SLC36A1: variants seen among roughly 807,000 people sequenced by gnomAD.
SLC36A1 encodes solute carrier family 36 member 1, also known as proton-coupled amino acid transporter 1.
A neutral mutation model predicts 47.5 loss-of-function variants in SLC36A1; 30 were observed. The ratio of observed to expected loss-of-function variants is 0.63; its 90% confidence interval spans 0.47 to 0.86. The LOEUF (loss-of-function observed/expected upper bound fraction) is 0.86. SLC36A1 is among the 40% of genes least tolerant of loss of function. The pLI, the probability that SLC36A1 is intolerant of heterozygous loss-of-function variation, is 0.00. For missense variants in SLC36A1, 517 were observed against 606.0 expected (o/e 0.85, Z 1.54); for synonymous variants, 255 against 249.7 (o/e 1.02, Z -0.20).
chr5:151,535,787 C>A, the SLC36A1 span, among the ~76,000 whole-genome samples: 7 of 152,220 alleles, frequency 4.6e-5, no homozygotes, highest in African/African-American at 1.7e-4. Flanking sequence ...GGATCTGACA[C>A]TATCTCCAGG....
intron 2 of SLC36A1, among the ~76,000 whole-genome samples, chr5:151,462,157 A>G (rs1030502132): frequency 3.3e-5 from 5 of 152,208 alleles, no homozygotes; most frequent in Non-Finnish European, 7.3e-5. Context: ...ACCAACTTGT[A>G]TCCAGTACCA....
At chr5:151,360,215 T>G in the SLC36A1 span, among the ~76,000 whole-genome samples, 5 of 152,202 alleles carry the variant, frequency 3.3e-5, no homozygotes, top group Non-Finnish European at 5.9e-5. Flanking sequence ...TGAAAATCCA[T>G]GTATAGCTTT....
chr5:151,347,324 G>T, the SLC36A1 span: 1 of 1,614,212 alleles, frequency 6.2e-7, no homozygotes, highest in Non-Finnish European at 8.5e-7. Flanking sequence ...CTTCAAGCCT[G>T]CTGACTCTGA....
chr5:151,495,255 C>T (rs165329), downstream of SLC36A1, among the ~76,000 whole-genome samples: 22,253 of 152,178 alleles, frequency 0.15, 1,995 homozygotes, highest in Non-Finnish European at 0.21. Flanking sequence ...CACCTCTTTA[C>T]GTGCTTATTG....
rs141230632 is a variant in SLC36A1, at chr5:151,485,820, G to A, written c.1160-2163G>A. Among the ~76,000 whole-genome samples the A allele has an allele frequency of 3.7e-3, 567 of 152,340 alleles. 2 individuals are homozygous for A. Among genetic ancestry groups the A allele is most frequent in the South Asian group, 0.013 (64 of 4,826 alleles). On this transcript the variant is annotated intron_variant, in intron 10 of 10. Coordinates refer to ENST00000243389, the MANE Select transcript of SLC36A1 (RefSeq NM_078483.4). ...AAATGAATGGAAATGTCCCATGTGT[G>A]TGCTGTCCATTGCAGCAGCCACTAG...
chr5:151,359,479 C>T, the SLC36A1 span, among the ~76,000 whole-genome samples: 1 of 152,150 alleles, frequency 6.6e-6, no homozygotes, highest in Admixed American at 6.5e-5. Context: ...GGGGACATTC[C>T]ATTATTTAAA....
the SLC36A1 span, among the ~76,000 whole-genome samples, chr5:151,420,713 T>G: frequency 1.3e-5 from 2 of 152,172 alleles, no homozygotes; most frequent in Non-Finnish European, 2.9e-5. Context: ...TCCCTATACG[T>G]ATCCTCCCCT....
At chr5:151,416,585 A>G in the SLC36A1 span, among the ~76,000 whole-genome samples, 1 of 152,160 alleles carries the variant, frequency 6.6e-6, no homozygotes, top group Non-Finnish European at 1.5e-5. Flanking sequence ...GTTGCCACCT[A>G]ATAACTAAAG....
At chr5:151,395,657 T>C in the SLC36A1 span, among the ~76,000 whole-genome samples, 2 of 152,212 alleles carry the variant, frequency 1.3e-5, no homozygotes, top group South Asian at 4.1e-4. Flanking sequence ...AAGCTAGGGA[T>C]TGTGGCCAAA....
chr5:151,458,659 C>T (rs1016102097), intron 1 of SLC36A1, 129 bp from the exon 2 acceptor site: 3 of 1,020,506 alleles, frequency 2.9e-6, no homozygotes, highest in South Asian at 1.7e-5. Flanking sequence ...CACTTTCATA[C>T]TTAATCCATA....
the SLC36A1 span, chr5:151,544,064 C>T: frequency 6.2e-7 from 1 of 1,614,214 alleles, no homozygotes; most frequent in Non-Finnish European, 8.5e-7. Context: ...GGGGGATCTC[C>T]TTTATCCATG....
chr5:151,369,714 T>C, the SLC36A1 span, among the ~76,000 whole-genome samples: 2 of 152,240 alleles, frequency 1.3e-5, no homozygotes, highest in Non-Finnish European at 2.9e-5. Context: ...ACTCCTGGCC[T>C]CAAGCCATCC....
the SLC36A1 span, among the ~76,000 whole-genome samples, chr5:151,371,864 C>A: frequency 2.6e-5 from 4 of 152,132 alleles, no homozygotes; most frequent in Non-Finnish European, 4.4e-5. Flanking sequence ...AGGTTTGGGG[C>A]TATCTCACTC....
intron 10 of SLC36A1, among the ~76,000 whole-genome samples, chr5:151,484,729 A>T (rs1581220448): frequency 6.6e-6 from 1 of 152,244 alleles, no homozygotes; most frequent in South Asian, 2.1e-4. Flanking sequence ...TGAGTTCTTT[A>T]CATGAGTGAT....
At chr5:151,543,861 A>G in the SLC36A1 span, 1 of 1,614,172 alleles carries the variant, frequency 6.2e-7, no homozygotes. Context: ...GCCTGTCCTG[A>G]TTGCCAGAAA....
chr5:151,388,863 A>G, the SLC36A1 span, among the ~76,000 whole-genome samples: 148,546 of 152,206 alleles, frequency 0.98, 72,508 homozygotes, highest in Middle Eastern at 1. Flanking sequence ...TATAAAATGC[A>G]GATATACTCT....
Position 151,458,825 on chromosome 5 carries a change from C to G in SLC36A1, c.33C>G (p.Tyr11Ter). MSTQRLRNEDYHDYSSTDVSP... is the reference protein window; with the variant it reads MSTQRLRNED ...CGCAGAGACTTCGGAATGAAGACTA[C>G]CACGACTACAGCTCCACGGACGTGA... Residue 11 changes from tyrosine to a stop codon, truncating the protein, a stop_gained, in exon 2 of 11, where the codon TAC becomes TAG. Transcript: ENST00000243389. LOFTEE classifies it high-confidence loss of function. The G allele has an allele frequency of 1.2e-6, 2 of 1,614,086 alleles. No homozygotes were observed. The highest frequency in any genetic ancestry group is 1.7e-6 in the Non-Finnish European group (2 of 1,179,986).
At chr5:151,401,914 G>A in the SLC36A1 span, among the ~76,000 whole-genome samples, 1 of 152,100 alleles carries the variant, frequency 6.6e-6, no homozygotes, top group East Asian at 1.9e-4. Flanking sequence ...GGTTTTCTAT[G>A]TGTAGAATCA....
At chr5:151,552,198 C>T in the SLC36A1 span, among the ~76,000 whole-genome samples, 1 of 152,132 alleles carries the variant, frequency 6.6e-6, no homozygotes, top group African/African-American at 2.4e-5. Flanking sequence ...TCATAGTTCA[C>T]TGTAACCTTG....
Sources: allele counts gnomAD v4.1 joint callset (sites outside exome capture counted in the v4.1 genomes callset), GRCh38; gene constraint gnomAD v4.1.1; transcripts MANE v1.5; gene names NCBI Gene and HGNC (gene_info 2026-07-23, HGNC 2026-07-21).